The following MICU1 variants were observed in gnomAD, a reference collection of about 807,000 sequenced individuals.
MICU1 encodes calcium uptake protein 1, mitochondrial.
Under a neutral mutation model 56.8 loss-of-function variants are expected in MICU1, and 45 were observed. The observed-to-expected ratio is 0.79, with a 90% CI of 0.62 to 1.02. The LOEUF (loss-of-function observed/expected upper bound fraction) is 1.02. Among genes scored for constraint, MICU1 ranks in the 50% least tolerant of loss-of-function variants. MICU1 has a pLI of 0.00. For missense variants in MICU1, 504 were observed against 587.1 expected, an observed-to-expected ratio of 0.86 and a Z score of 1.46; for synonymous variants, 186 against 195.1, an observed-to-expected ratio of 0.95 and a Z score of 0.39.
In MICU1 at chr10:72,367,855, C is replaced by T. The variant is rs1862196918; in HGVS notation, c.*340G>A. 4.3e-6 allele frequency: 1 copy of T among 231,354 alleles called. No individual in the cohort carries two copies. Among genetic ancestry groups the T allele is most frequent in the Non-Finnish European group, 8.4e-6 (1 of 118,428 alleles). 14.3% of individuals were successfully genotyped at this position (231,354 alleles called of 1,614,324 possible). ...ATCCATAGCAAAAACGATTTGAGAACTGGATGCTTCCCAGGGTTGGCAGGT... is the reference window on the plus strand; with the variant it reads ...ATCCATAGCAAAAACGATTTGAGAATTGGATGCTTCCCAGGGTTGGCAGGT... On this transcript the variant is annotated 3_prime_UTR_variant, in exon 12 of 12. Transcript: ENST00000361114.
At chr10:72,400,917 C>A (rs1863433422) in intron 10 of MICU1, among the ~76,000 whole-genome samples, 1 of 150,742 alleles carries the variant, frequency 6.6e-6, no homozygotes, top group African/African-American at 2.4e-5. Flanking sequence ...TATATGATAT[C>A]ATTAACTTGT....
At chr10:72,448,155 G>GTATA (rs1865171084) in intron 8 of MICU1, among the ~76,000 whole-genome samples, 2 of 99,212 alleles carry the variant, frequency 2.0e-5, no homozygotes, top group Admixed American at 1.1e-4. Context: ...GTGTGTCTGT[G>GTATA]TGTGTGTATA....
In MICU1 at chr10:72,403,946, C is replaced by T. The variant is rs562384197; in HGVS notation, c.1180+3983G>A. On this transcript the variant is annotated intron_variant, in intron 10 of 11. Coordinates refer to ENST00000361114, the MANE Select transcript of MICU1 (RefSeq NM_001195518.2). ...CTGGGATTACAGGCGTGAGCCACCA[C>T]GCCCGGCAGTGTGTGTGTGTTTTAT... is the stretch of plus-strand genomic sequence containing the variant. 6.7e-5 allele frequency among the ~76,000 whole-genome samples: 10 copies of T among 150,252 alleles called. No homozygotes were observed. In the South Asian group the frequency reaches 1.5e-3, roughly 22 times the overall value.
At position 72,551,109 on chromosome 10, in the gene MICU1, T is replaced by C. The variant is rs1005566325; in HGVS notation, c.493+70A>G. On this transcript the variant is annotated intron_variant, in intron 4 of 11. Transcript: ENST00000361114. ...AAGGACCTGTAAGATTTCAGTACTA[T>C]GTAGAAAGAGACAAAGTAGCCTATA... 4.2e-6 allele frequency: 6 copies of C among 1,424,316 alleles called. No individual in the cohort carries two copies. In the East Asian group the frequency reaches 9.6e-5, roughly 23 times the overall value. 88.2% of individuals were successfully genotyped at this position (1,424,316 alleles called of 1,614,324 possible). A position where few individuals can be genotyped will look rare whatever the true frequency, so the allele number is the denominator to read the frequency against.
chr10:72,383,187 A>G (rs1425736275), intron 10 of MICU1, among the ~76,000 whole-genome samples: 2 of 151,128 alleles, frequency 1.3e-5, no homozygotes, highest in Admixed American at 6.6e-5. Context: ...TCAAGTCTGC[A>G]GTGAGCTATG....
intron 11 of MICU1, among the ~76,000 whole-genome samples, chr10:72,370,893 T>C (rs1347072733): frequency 2.0e-5 from 3 of 151,496 alleles, no homozygotes; most frequent in African/African-American, 4.9e-5. Context: ...TAGCTGGGCA[T>C]GGTGGTGGGC....
rs568393687 is a variant in MICU1 at position 72,488,238 on chromosome 10, A to G, written c.653-10982T>C. On this transcript the variant is annotated intron_variant, in intron 6 of 11. Coordinates refer to ENST00000361114, the MANE Select transcript of MICU1 (RefSeq NM_001195518.2). ...AAAATTAAAAAAAAATTGAATATAT[A>G]TAAGTTCCTACTTGTATATCTTTTT... Among the ~76,000 whole-genome samples the G allele has an allele frequency of 5.9e-3, 888 of 151,736 alleles. 13 individuals carry two copies. Among genetic ancestry groups the G allele is most frequent in the Non-Finnish European group, 8.4e-3 (567 of 67,898 alleles).
chr10:72,385,273 T>A (rs1403197144), intron 10 of MICU1, among the ~76,000 whole-genome samples: 1 of 152,120 alleles, frequency 6.6e-6, no homozygotes, highest in Non-Finnish European at 1.5e-5. Flanking sequence ...GCAGATCACC[T>A]GAGGTCAGGA....
chr10:72,478,151 G>A (rs1564892424), intron 6 of MICU1, among the ~76,000 whole-genome samples: 3 of 150,210 alleles, frequency 2.0e-5, no homozygotes, highest in South Asian at 2.1e-4. Flanking sequence ...TTACAGGTGT[G>A]AGCCACGGCG....
chr10:72,615,365 G>T (rs574382945), intron 1 of MICU1, among the ~76,000 whole-genome samples: 3 of 152,056 alleles, frequency 2.0e-5, no homozygotes, highest in Non-Finnish European at 2.9e-5. Flanking sequence ...CAATCTTCCC[G>T]CCTTGGCCTC....
At chr10:72,396,217 C>T (rs1483457643) in intron 10 of MICU1, among the ~76,000 whole-genome samples, 1 of 152,208 alleles carries the variant, frequency 6.6e-6, no homozygotes, top group African/African-American at 2.4e-5. Context: ...GGAAAACTAA[C>T]AAACAGAAAG....
At chr10:72,551,049 A>G in intron 4 of MICU1, 130 bp downstream of exon 4, 2 of 909,846 alleles carry the variant, frequency 2.2e-6, no homozygotes, top group Non-Finnish European at 3.1e-6. Flanking sequence ...ACAATGCCTG[A>G]TATTCAATAG....
At chr10:72,543,056 G>A (rs1180292648) in intron 4 of MICU1, among the ~76,000 whole-genome samples, 1 of 152,148 alleles carries the variant, frequency 6.6e-6, no homozygotes, top group Non-Finnish European at 1.5e-5. Flanking sequence ...GTCTTTATAG[G>A]CACAGGACGG....
intron 8 of MICU1, among the ~76,000 whole-genome samples, chr10:72,446,248 T>A (rs1293651494): frequency 6.6e-6 from 1 of 152,236 alleles, no homozygotes; most frequent in Non-Finnish European, 1.5e-5. Context: ...TGAAGAAATT[T>A]TAGACCAATT....
intron 5 of MICU1, chr10:72,523,882 G>A: frequency 6.6e-7 from 1 of 1,517,044 alleles, no homozygotes; most frequent in Non-Finnish European, 8.8e-7. Flanking sequence ...ATATTTAGTT[G>A]CTTTTCCAAA....
intron 8 of MICU1, among the ~76,000 whole-genome samples, chr10:72,435,352 C>T (rs998379001): frequency 3.5e-5 from 5 of 141,066 alleles, no homozygotes; most frequent in African/African-American, 1.3e-4. Context: ...CATGCCACTG[C>T]ACTCCACCCT....
chr10:72,471,694 T>C (rs535292303), intron 8 of MICU1, among the ~76,000 whole-genome samples: 4 of 152,284 alleles, frequency 2.6e-5, no homozygotes, highest in African/African-American at 9.6e-5. Context: ...TGTAATTACA[T>C]AATTAATAAG....
chr10:72,415,201 A>G (rs1227808660), intron 9 of MICU1, among the ~76,000 whole-genome samples: 3 of 151,948 alleles, frequency 2.0e-5, no homozygotes, highest in African/African-American at 7.3e-5. Flanking sequence ...ATTTTTGTAG[A>G]GATGTGCTTT....
chr10:72,537,463 C>T (rs1274722499), intron 4 of MICU1, among the ~76,000 whole-genome samples: 3 of 152,146 alleles, frequency 2.0e-5, no homozygotes, highest in African/African-American at 7.2e-5. Context: ...GTTTGCTACC[C>T]AAACCTTTTG....
Sources: allele counts gnomAD v4.1 joint callset (sites outside exome capture counted in the v4.1 genomes callset), GRCh38; gene constraint gnomAD v4.1.1; transcripts MANE v1.5; gene names NCBI Gene and HGNC (gene_info 2026-07-23, HGNC 2026-07-21).